IGFBP2: variants seen among roughly 807,000 people sequenced by gnomAD.
IGFBP2 encodes insulin-like growth factor-binding protein 2.
Under a neutral mutation model 26.2 loss-of-function variants are expected in IGFBP2, and 12 were observed. The ratio of observed to expected loss-of-function variants is 0.46; its 90% CI spans 0.29 to 0.74. The LOEUF is 0.74. IGFBP2 is among the 30% of genes least tolerant of loss of function. IGFBP2 has a pLI of 0.09. For missense variants in IGFBP2, 328 were observed against 441.2 expected (o/e 0.74, Z 2.30); for synonymous variants, 189 against 200.6 (o/e 0.94, Z 0.49).
chr2:216,654,514 C>A (rs550052992), intron 1 of IGFBP2, among the ~76,000 whole-genome samples: 1 of 152,328 alleles, frequency 6.6e-6, no homozygotes, highest in African/African-American at 2.4e-5. Context: ...GGGTTTGAAT[C>A]TCTTTGGCTG....
rs370115788 is a variant in IGFBP2 at position 216,663,996 on chromosome 2, C to T, written c.870C>T (p.Thr290=). 37 of 1,613,996 alleles carry T rather than the reference C, an allele frequency of 2.3e-5. No homozygotes were observed. The highest frequency in any genetic ancestry group is 2.3e-4 in the African/African-American group (17 of 74,916). ...AGTGCTGGTGTGTGAACCCCAACACCGGGAAGCTGATCCAGGGAGCCCCCA... is the reference window on the plus strand; with the variant it reads ...AGTGCTGGTGTGTGAACCCCAACACTGGGAAGCTGATCCAGGGAGCCCCCA... ...RGECWCVNPN[T]GKLIQGAPTI... is the part of the protein sequence containing the mutation. Residue 290 remains threonine, a synonymous_variant, in exon 4 of 4, where the codon ACC becomes ACT. Coordinates refer to ENST00000233809, the MANE Select transcript of IGFBP2 (RefSeq NM_000597.3).
At chr2:216,652,939 C>T (rs1697856383) in intron 1 of IGFBP2, among the ~76,000 whole-genome samples, 2 of 152,100 alleles carry the variant, frequency 1.3e-5, no homozygotes, top group Admixed American at 1.3e-4. Context: ...CTCTGTGGTA[C>T]TCCTCTTTCC....
intron 1 of IGFBP2, chr2:216,659,796 C>A: frequency 6.9e-7 from 1 of 1,456,896 alleles, no homozygotes; most frequent in Non-Finnish European, 9.3e-7. Context: ...GTTCTTGGGG[C>A]TCTCAGTATA....
At chr2:216,662,446 CTGGCCGAGTTGTCTTCA>C in intron 3 of IGFBP2, 1 of 169,636 alleles carries the variant, frequency 5.9e-6, no homozygotes, top group Non-Finnish European at 1.3e-5. Context: ...ATTTCAACCA[CTGGCCGAGTTGTCTTCA>C]TGGTTTCGAA....
intron 1 of IGFBP2, among the ~76,000 whole-genome samples, chr2:216,640,876 TG>T (rs1697600123): frequency 6.6e-6 from 1 of 152,180 alleles, no homozygotes; most frequent in Non-Finnish European, 1.5e-5. Flanking sequence ...TCCTGGAGTT[TG>T]GGGACCTCAC....
At chr2:216,654,460 T>C (rs1405693290) in intron 1 of IGFBP2, among the ~76,000 whole-genome samples, 1 of 152,216 alleles carries the variant, frequency 6.6e-6, no homozygotes, top group Non-Finnish European at 1.5e-5. Flanking sequence ...GCTGCACAGC[T>C]CAGTAGTAAA....
chr2:216,645,194 A>G (rs1409003608), intron 1 of IGFBP2, among the ~76,000 whole-genome samples: 2 of 152,312 alleles, frequency 1.3e-5, no homozygotes, highest in East Asian at 3.9e-4. Flanking sequence ...AGCAGTTGCT[A>G]TAGCAACAGT....
rs866510747 is a variant in IGFBP2 at position 216,633,694 on chromosome 2, G to T, written c.171G>T (p.Pro57=). Residue 57 remains proline (P), a synonymous_variant, in exon 1 of 4, where the codon CCG becomes CCT. Transcript: ENST00000233809. ...PERLAACGPP[P]VAPPAAVAAV... ...GCCTGGCCGCCTGCGGGCCCCCGCC[G>T]GTTGCGCCGCCCGCCGCGGTGGCCG... 3.4e-6 allele frequency: 4 copies of T among 1,171,466 alleles called. No homozygotes were observed. The highest frequency in any genetic ancestry group is 4.2e-6 in the Non-Finnish European group (4 of 950,974). The allele number at this position is 1,171,466 out of a possible 1,614,324, so 72.6% of individuals were successfully genotyped here. A position where few individuals can be genotyped will look rare whatever the true frequency, so the allele number is the denominator to read the frequency against.
chr2:216,653,750 T>C (rs915293586), intron 1 of IGFBP2, among the ~76,000 whole-genome samples: 8 of 152,196 alleles, frequency 5.3e-5, no homozygotes, highest in Admixed American at 5.2e-4. Context: ...CCCCGACTAA[T>C]GGCTCTGGGG....
At chr2:216,655,076 C>T (rs1415965146) in intron 1 of IGFBP2, among the ~76,000 whole-genome samples, 1 of 152,054 alleles carries the variant, frequency 6.6e-6, no homozygotes, top group Non-Finnish European at 1.5e-5. Flanking sequence ...GAGACAGGGG[C>T]TCACTCTGTC....
At chr2:216,648,965 T>C (rs1017506250) in intron 1 of IGFBP2, among the ~76,000 whole-genome samples, 2 of 152,220 alleles carry the variant, frequency 1.3e-5, no homozygotes, top group African/African-American at 4.8e-5. Flanking sequence ...CAAAGAACAA[T>C]GTAATAACAC....
At chr2:216,640,747 G>T (rs566717621) in intron 1 of IGFBP2, among the ~76,000 whole-genome samples, 155 of 152,344 alleles carry the variant, frequency 1.0e-3, no homozygotes, top group African/African-American at 3.6e-3. Context: ...GCTTTTGACC[G>T]TATCAACCAG....
At position 216,664,278 on chromosome 2, in the gene IGFBP2, C is replaced by T; in HGVS notation, c.*174C>T. The T allele has an allele frequency of 2.0e-6, 1 of 488,568 alleles. No homozygotes were observed. Among genetic ancestry groups the T allele is most frequent in the Non-Finnish European group, 3.5e-6 (1 of 283,472 alleles). The allele number at this position is 488,568 out of a possible 1,614,324, so 30.3% of individuals were successfully genotyped here. ...GGCACCTCCCCGGCCTCTCTCTTCC[C>T]AGCTGCAGATGCCACACCTGCTCCT... On this transcript the variant is annotated 3_prime_UTR_variant, in exon 4 of 4. Coordinates refer to ENST00000233809, the MANE Select transcript of IGFBP2 (RefSeq NM_000597.3). The surrounding 1 kb of genome is among the most constrained non-coding windows in gnomAD (Gnocchi z 4.6).
chr2:216,641,223 C>G (rs1051404206), intron 1 of IGFBP2, among the ~76,000 whole-genome samples: 1 of 152,196 alleles, frequency 6.6e-6, no homozygotes, highest in African/African-American at 2.4e-5. Context: ...CAAGTGACAT[C>G]TCCTCCTTGA....
chr2:216,645,287 G>C (rs1276074279), intron 1 of IGFBP2, among the ~76,000 whole-genome samples: 1 of 152,180 alleles, frequency 6.6e-6, no homozygotes, highest in Admixed American at 6.5e-5. Flanking sequence ...GGTTGAGTAG[G>C]GCTGCTGACA....
rs1688703938 is a variant in IGFBP2 at position 216,663,837 on chromosome 2, A to G, written c.814-103A>G. On this transcript the variant is annotated intron_variant, in intron 3 of 3. Transcript: ENST00000233809. ...GTTGCGAAGCTCCACCCGGCAGCGCATGGGTAGCTGCAAGGGGTGGCTGCT... is the reference window on the plus strand; with the variant it reads ...GTTGCGAAGCTCCACCCGGCAGCGCGTGGGTAGCTGCAAGGGGTGGCTGCT... 3 of 1,255,654 alleles carry G rather than the reference A, an allele frequency of 2.4e-6. No individual in the cohort carries two copies. The South Asian group carries it at 4.6e-5, about 19-fold the overall frequency. The allele number at this position is 1,255,654 out of a possible 1,614,324, so 77.8% of individuals were successfully genotyped here. A position where few individuals can be genotyped will look rare whatever the true frequency, so the allele number is the denominator to read the frequency against.
At chr2:216,647,811 C>CAA in intron 1 of IGFBP2, among the ~76,000 whole-genome samples, 2 of 152,244 alleles carry the variant, frequency 1.3e-5, no homozygotes, top group East Asian at 3.9e-4. Flanking sequence ...TGAGCCACTG[C>CAA]GCCCGGCCCT....
chr2:216,658,782 C>G lies in IGFBP2; in HGVS notation c.443-1775C>G, dbSNP rs546906720. Among the ~76,000 whole-genome samples the G allele has an allele frequency of 3.3e-5, 5 of 152,034 alleles. No homozygotes were observed. In the East Asian group the frequency reaches 9.7e-4, roughly 30 times the overall value. ...GGCCAGGCTGGTCTTGAATTCCTGA[C>G]CTCAAGTGATCCACATGCCTCAGCC... is the stretch of plus-strand genomic sequence containing the variant. On this transcript the variant is annotated intron_variant, in intron 1 of 3. Coordinates refer to ENST00000233809, the MANE Select transcript of IGFBP2 (RefSeq NM_000597.3).
chr2:216,640,480 A>G (rs1293955226), intron 1 of IGFBP2, among the ~76,000 whole-genome samples: 1 of 152,164 alleles, frequency 6.6e-6, no homozygotes, highest in Non-Finnish European at 1.5e-5. Context: ...CCAGCAATTC[A>G]CTGAGATGGC....
Sources: gnomAD v4.1 joint callset for allele counts (sites outside exome capture counted in the v4.1 genomes callset) on GRCh38, gnomAD v4.1.1 for gene constraint, Gnocchi (gnomAD v3.1) non-coding constraint, MANE v1.5 for transcripts, NCBI Gene and HGNC (gene_info 2026-07-23, HGNC 2026-07-21) for gene names.